The following PRKG1 variants were observed in gnomAD, a reference collection of about 807,000 sequenced individuals.
The protein encoded by PRKG1 is cGMP-dependent protein kinase 1.
In PRKG1, 35 loss-of-function variants were observed where a neutral mutation model predicts 88.1. The ratio of observed to expected loss-of-function variants is 0.40; its 90% CI spans 0.30 to 0.53. PRKG1 has a LOEUF of 0.53. Among genes scored for constraint, PRKG1 ranks in the 20% least tolerant of loss-of-function variants. PRKG1 has a pLI of 0.59. For synonymous variants in PRKG1, 303 were observed against 292.5 expected, an observed-to-expected ratio of 1.04 and a Z score of -0.37; for missense variants, 540 against 839.8, an observed-to-expected ratio of 0.64 and a Z score of 4.41.
At chr10:52,238,781 G>A (rs2132371529) in intron 9 of PRKG1, among the ~76,000 whole-genome samples, 1 of 150,402 alleles carries the variant, frequency 6.6e-6, no homozygotes, top group South Asian at 2.1e-4. Flanking sequence ...CAGGGATCTA[G>A]AGCTAGAAAT....
intron 3 of PRKG1, among the ~76,000 whole-genome samples, chr10:51,489,085 T>C (rs1201960175): frequency 6.6e-6 from 1 of 152,178 alleles, no homozygotes; most frequent in Admixed American, 6.6e-5. Context: ...AAAAATTATT[T>C]GAATGTCTTT....
intron 4 of PRKG1, among the ~76,000 whole-genome samples, chr10:51,813,000 G>A (rs1839495744): frequency 6.6e-6 from 1 of 152,144 alleles, no homozygotes; most frequent in Admixed American, 6.5e-5. Flanking sequence ...AAACACCACT[G>A]CACTGTACAT....
intron 3 of PRKG1, among the ~76,000 whole-genome samples, chr10:51,517,163 G>A (rs558936320): frequency 6.6e-5 from 10 of 152,304 alleles, no homozygotes; most frequent in Non-Finnish European, 1.3e-4. Flanking sequence ...CTAAGGAAAC[G>A]AAGATCAGAA....
chr10:51,977,113 T>A (rs1564736262), intron 5 of PRKG1, among the ~76,000 whole-genome samples: 1 of 151,960 alleles, frequency 6.6e-6, no homozygotes, highest in African/African-American at 2.4e-5. Context: ...ACCCTCTACC[T>A]CCAACCACCC....
At chr10:51,281,272 A>G (rs10996552) in intron 2 of PRKG1, among the ~76,000 whole-genome samples, 33,801 of 152,064 alleles carry the variant, frequency 0.22, 3,952 homozygotes, top group Admixed American at 0.36. Context: ...GTCTGCCCCT[A>G]CTGGGGGGTG....
chr10:51,019,625 AG>A (rs1452794665), intron 1 of PRKG1, among the ~76,000 whole-genome samples: 1 of 152,178 alleles, frequency 6.6e-6, no homozygotes, highest in African/African-American at 2.4e-5. Flanking sequence ...AGGCAACAAA[AG>A]AAAAAAAATA....
intron 3 of PRKG1, chr10:51,699,226 C>T (rs749175946): frequency 1.9e-6 from 3 of 1,614,074 alleles, no homozygotes; most frequent in Non-Finnish European, 2.5e-6. Context: ...CAATAATGGG[C>T]GCTGCAGGCC....
chr10:51,379,789 A>C (rs1837026225), intron 2 of PRKG1, among the ~76,000 whole-genome samples: 1 of 152,208 alleles, frequency 6.6e-6, no homozygotes, highest in Non-Finnish European at 1.5e-5. Flanking sequence ...ACTTTTGGAC[A>C]GTGCACATTG....
chr10:51,657,786 A>T (rs1220828705), intron 3 of PRKG1, among the ~76,000 whole-genome samples: 1 of 152,206 alleles, frequency 6.6e-6, no homozygotes, highest in Middle Eastern at 3.4e-3. Context: ...CAGGCTTCCA[A>T]CAGGAGAATA....
At position 51,986,785 on chromosome 10, in the gene PRKG1, C is replaced by T. The variant is rs140404712; in HGVS notation, c.763-67699C>T. Among the ~76,000 whole-genome samples the T allele has an allele frequency of 1.8e-4, 27 of 152,294 alleles. No individual in the cohort carries two copies. The East Asian group carries it at 5.2e-3, about 29-fold the overall frequency. The stretch of plus-strand genomic sequence containing the variant: ...GCTCGTATGAGATACTGGGACTTGC[C>T]TGTTGGAGGGGAGGAATAGGATGCC... On this transcript the variant is annotated intron_variant, in intron 5 of 17. Transcript: ENST00000373980.
chr10:52,292,082 T>C (rs1281623956), intron 17 of PRKG1, among the ~76,000 whole-genome samples: 2 of 152,214 alleles, frequency 1.3e-5, no homozygotes, highest in Non-Finnish European at 2.9e-5. Context: ...TCGGTTCATG[T>C]CCTTGGCCCA....
intron 3 of PRKG1, among the ~76,000 whole-genome samples, chr10:51,731,193 A>G (rs971039249): frequency 6.6e-6 from 1 of 152,148 alleles, no homozygotes; most frequent in Non-Finnish European, 1.5e-5. Flanking sequence ...CCCACTTCTG[A>G]TAAGGTCTTA....
At chr10:51,299,559 A>G (rs370496609) in intron 2 of PRKG1, 9 of 471,996 alleles carry the variant, frequency 1.9e-5, no homozygotes, top group African/African-American at 6.0e-5. Context: ...CACAGCCTGT[A>G]ACATATGTCT....
At chr10:51,185,662 G>A (rs1837466623) in intron 2 of PRKG1, among the ~76,000 whole-genome samples, 1 of 151,830 alleles carries the variant, frequency 6.6e-6, no homozygotes, top group Non-Finnish European at 1.5e-5. Context: ...AGTTCATGAT[G>A]TTCAAATATA....
intron 9 of PRKG1, among the ~76,000 whole-genome samples, chr10:52,245,977 G>A (rs1841013013): frequency 6.6e-6 from 1 of 151,966 alleles, no homozygotes; most frequent in Admixed American, 6.6e-5. Context: ...ACATAATATT[G>A]TCTGCTTTGT....
At chr10:51,886,068 C>T (rs968216204) in intron 4 of PRKG1, among the ~76,000 whole-genome samples, 50 of 152,230 alleles carry the variant, frequency 3.3e-4, no homozygotes, top group African/African-American at 1.1e-3. Flanking sequence ...CTCTGTCACC[C>T]AGGCTGGACT....
rs149287224 is a variant in PRKG1 at position 51,206,213 on chromosome 10, T to C, written c.478+52883T>C. On this transcript the variant is annotated intron_variant, in intron 2 of 17. Transcript: ENST00000373980. The stretch of plus-strand genomic sequence containing the variant: ...TGTCAAGAATGGAGCCATTACCGGC[T>C]GGGCGCGGTGGTTCACGGCTGTAAT... Among the ~76,000 whole-genome samples, 1,498 of 152,112 alleles carry C rather than the reference T, an allele frequency of 9.8e-3. 13 individuals carry two copies. Among genetic ancestry groups the C allele is most frequent in the Non-Finnish European group, 0.015 (1,033 of 67,974 alleles).
At chr10:52,059,958 A>G (rs1163168736) in intron 6 of PRKG1, among the ~76,000 whole-genome samples, 1 of 151,946 alleles carries the variant, frequency 6.6e-6, no homozygotes, top group African/African-American at 2.4e-5. Flanking sequence ...AGTATAATGA[A>G]GAGCAAAACA....
In PRKG1 at chr10:51,686,130, T is replaced by C. The variant is rs186295432; in HGVS notation, c.593-118455T>C. On this transcript the variant is annotated intron_variant, in intron 3 of 17. Transcript: ENST00000373980. ...CTTGAATTCCTCAGGACGAGTAGTT[T>C]TGGGCCATTTTATTTTACTTTATTC... 2.1e-4 allele frequency among the ~76,000 whole-genome samples: 32 copies of C among 152,312 alleles called. 1 individual carries two copies. The highest frequency in any genetic ancestry group is 6.3e-4 in the African/African-American group (26 of 41,574).
Sources: gnomAD v4.1 joint callset for allele counts (sites outside exome capture counted in the v4.1 genomes callset) on GRCh38, gnomAD v4.1.1 for gene constraint, MANE v1.5 for transcripts, NCBI Gene and HGNC (gene_info 2026-07-23, HGNC 2026-07-21) for gene names.